The following ATP5F1C variants were observed in gnomAD, a reference collection of about 807,000 sequenced individuals.
The protein encoded by ATP5F1C is ATP synthase F1 subunit gamma, also known as ATP synthase F(1) complex subunit gamma, mitochondrial.
ATP5F1C carries 22 observed loss-of-function variants against 37.4 expected under a neutral mutation model. The observed-to-expected ratio is 0.59, with a 90% CI of 0.42 to 0.84. The LOEUF (loss-of-function observed/expected upper bound fraction) is 0.84. Ranked by LOEUF, ATP5F1C falls within the 40% of genes least tolerant of loss-of-function variation. ATP5F1C has a pLI of 0.00. For synonymous variants in ATP5F1C, 121 were observed against 128.0 expected (o/e 0.95, Z 0.37); for missense variants, 286 against 362.4 (o/e 0.79, Z 1.71).
At chr10:7,796,308 T>C (rs1836235751) in intron 2 of ATP5F1C, 153 bp downstream of exon 2, 4 of 604,530 alleles carry the variant, frequency 6.6e-6, no homozygotes, top group Non-Finnish European at 1.1e-5. Flanking sequence ...ATTGGACTTG[T>C]TCTGAAAAGA....
intron 1 of ATP5F1C, among the ~76,000 whole-genome samples, chr10:7,790,656 A>G (rs977990977): frequency 1.3e-5 from 2 of 152,234 alleles, no homozygotes; most frequent in African/African-American, 4.8e-5. Flanking sequence ...AATGTGAGGC[A>G]GCAGAGTGTA....
intron 2 of ATP5F1C, chr10:7,796,789 T>C (rs529576364): frequency 3.7e-5 from 9 of 242,838 alleles, no homozygotes; most frequent in Admixed American, 1.1e-4. Context: ...TTTCACCGTG[T>C]TAGCCAAGAT....
At chr10:7,805,596 A>T (rs970577625) in intron 8 of ATP5F1C, among the ~76,000 whole-genome samples, 1 of 151,782 alleles carries the variant, frequency 6.6e-6, no homozygotes, top group Non-Finnish European at 1.5e-5. Flanking sequence ...AAATACAAAA[A>T]ATTAGCTGGG....
intron 8 of ATP5F1C, among the ~76,000 whole-genome samples, chr10:7,806,612 C>T (rs1265764969): frequency 6.6e-6 from 1 of 151,640 alleles, no homozygotes; most frequent in Admixed American, 6.6e-5. Flanking sequence ...TGAGATCACG[C>T]CACTGCACTC....
intron 9 of ATP5F1C, among the ~76,000 whole-genome samples, chr10:7,807,239 G>C (rs1564335957): frequency 6.6e-6 from 1 of 152,130 alleles, no homozygotes; most frequent in Non-Finnish European, 1.5e-5. Context: ...TTTGAGGATA[G>C]AGAATTAACA....
intron 7 of ATP5F1C, 137 bp downstream of exon 7, chr10:7,802,562 T>G: frequency 8.6e-7 from 1 of 1,160,122 alleles, no homozygotes; most frequent in South Asian, 1.6e-5. Context: ...AAGTATATCT[T>G]GATAGGTAGT....
At chr10:7,790,535 G>A (rs143878447) in intron 1 of ATP5F1C, among the ~76,000 whole-genome samples, 1,820 of 152,198 alleles carry the variant, frequency 0.012, 11 homozygotes, top group Middle Eastern at 0.024. Flanking sequence ...TTTTAATAAC[G>A]TGTCAGTAGT....
At chr10:7,806,348 A>C (rs572680060) in intron 8 of ATP5F1C, among the ~76,000 whole-genome samples, 13 of 152,348 alleles carry the variant, frequency 8.5e-5, no homozygotes, top group Non-Finnish European at 1.6e-4. Flanking sequence ...TCCAAGTATT[A>C]GTTGCCAGCC....
intron 1 of ATP5F1C, among the ~76,000 whole-genome samples, chr10:7,795,891 AGGT>A (rs566999669): frequency 6.4e-4 from 97 of 152,302 alleles, no homozygotes; most frequent in African/African-American, 2.1e-3. Context: ...ACTTCTGGGA[AGGT>A]GGTGGTACAG....
intron 4 of ATP5F1C, chr10:7,799,517 A>G (rs892610151): frequency 5.3e-6 from 3 of 566,410 alleles, no homozygotes; most frequent in Admixed American, 3.1e-5. Context: ...AATGTTAGCA[A>G]TAGTTCATTA....
rs189359588 is a variant in ATP5F1C at position 7,800,343 on chromosome 10, C to A, written c.637+252C>A. On this transcript the variant is annotated intron_variant, in intron 6 of 9. Transcript: ENST00000356708. Reference sequence around the variant, plus strand: ...CCCTAGTACCTGGGACTACAGGCACCCGCCACCAAGCCTGGCTAATTTTTT... The same window carrying A: ...CCCTAGTACCTGGGACTACAGGCACACGCCACCAAGCCTGGCTAATTTTTT... Among the ~76,000 whole-genome samples the A allele has an allele frequency of 3.8e-3, 562 of 149,468 alleles. 5 individuals are homozygous for A. Among genetic ancestry groups the A allele is most frequent in the African/African-American group, 0.013 (528 of 40,592 alleles).
At chr10:7,799,246 TC>T in intron 4 of ATP5F1C, 52 bp downstream of exon 4, 1 of 1,539,870 alleles carries the variant, frequency 6.5e-7, no homozygotes, top group South Asian at 1.2e-5. Flanking sequence ...CACGAATAAA[TC>T]TTCTCTCAAA....
intron 8 of ATP5F1C, chr10:7,804,072 A>G (rs1836426582): frequency 1.9e-6 from 1 of 518,818 alleles, no homozygotes; most frequent in Non-Finnish European, 3.8e-6. Context: ...GGCAGACACT[A>G]AATAAGAAGT....
intron 1 of ATP5F1C, 81 bp downstream of exon 1, chr10:7,788,344 G>T: frequency 1.9e-6 from 3 of 1,557,448 alleles, no homozygotes; most frequent in Non-Finnish European, 1.7e-6. Context: ...GGAGATGGGC[G>T]CGGGGGCAGA....
At chr10:7,794,785 C>T (rs1397023332) in intron 1 of ATP5F1C, among the ~76,000 whole-genome samples, 1 of 152,110 alleles carries the variant, frequency 6.6e-6, no homozygotes, top group East Asian at 1.9e-4. Flanking sequence ...TGCCTCTAAC[C>T]TATGCTCATG....
intron 6 of ATP5F1C, among the ~76,000 whole-genome samples, chr10:7,801,990 G>A (rs987903882): frequency 4.6e-5 from 7 of 152,146 alleles, no homozygotes; most frequent in African/African-American, 1.4e-4. Flanking sequence ...TCATAACCAC[G>A]AGATATAGTG....
chr10:7,795,582 C>T (rs1056005711), intron 1 of ATP5F1C, among the ~76,000 whole-genome samples: 8 of 152,194 alleles, frequency 5.3e-5, no homozygotes, highest in South Asian at 2.1e-4. Context: ...GAGACCATGT[C>T]GTGTTTACCA....
chr10:7,801,365 A>G (rs1267155456), intron 6 of ATP5F1C: 1 of 152,254 alleles, frequency 6.6e-6, no homozygotes, highest in African/African-American at 2.4e-5. Context: ...TTGATAATAT[A>G]TAGTACTGTG....
chr10:7,805,649 A>T (rs1283975147), intron 8 of ATP5F1C, among the ~76,000 whole-genome samples: 2 of 148,254 alleles, frequency 1.3e-5, no homozygotes, highest in African/African-American at 5.0e-5. Context: ...ATGGAGGCTG[A>T]GGCAGGAGAA....
Sources: gnomAD v4.1 joint callset for allele counts (sites outside exome capture counted in the v4.1 genomes callset) on GRCh38, gnomAD v4.1.1 for gene constraint, MANE v1.5 for transcripts, NCBI Gene and HGNC (gene_info 2026-07-23, HGNC 2026-07-21) for gene names.